HSP90AA1: variants seen among roughly 807,000 people sequenced by gnomAD.
HSP90AA1 encodes the protein heat shock protein 90 alpha family class A member 1, also known as heat shock protein HSP 90-alpha.
A neutral mutation model predicts 73.3 loss-of-function variants in HSP90AA1; 18 were observed. The observed-to-expected ratio is 0.25, with a 90% CI of 0.17 to 0.36. The LOEUF is 0.36. HSP90AA1 is among the 10% of genes least tolerant of loss of function. HSP90AA1 has a pLI of 1.00. For missense variants in HSP90AA1, 704 were observed against 874.2 expected (o/e 0.81, Z 2.45); for synonymous variants, 477 against 296.9 (o/e 1.61, Z -6.24).
chr14:102,123,891 C>T (rs1449704471), intron 1 of HSP90AA1, among the ~76,000 whole-genome samples: 8 of 152,076 alleles, frequency 5.3e-5, no homozygotes, highest in Non-Finnish European at 1.2e-4. Context: ...GCCTCAACCT[C>T]CTGGGCTCAG....
intron 1 of HSP90AA1, among the ~76,000 whole-genome samples, chr14:102,112,597 G>C (rs2049655781): frequency 6.6e-6 from 1 of 152,112 alleles, no homozygotes; most frequent in Non-Finnish European, 1.5e-5. Context: ...TCCCACCTCA[G>C]CTTCCTGAGT....
At chr14:102,087,931 GTTTTTTTTTTTTTTTTTTTCT>G (rs890589492), upstream of HSP90AA1, among the ~76,000 whole-genome samples, 4 of 109,798 alleles carry the variant, frequency 3.6e-5, no homozygotes, top group African/African-American at 1.4e-4. Context: ...GCCCTAAAAG[GTTTTTTTTTTTTTTTTTTTCT>G]TTTTTTTTTT....
At chr14:102,135,779 C>T (rs2049984895) in intron 1 of HSP90AA1, among the ~76,000 whole-genome samples, 1 of 152,252 alleles carries the variant, frequency 6.6e-6, no homozygotes, top group Admixed American at 6.5e-5. Flanking sequence ...TTGCCCGGGG[C>T]CAGCAGGGCT....
intron 1 of HSP90AA1, among the ~76,000 whole-genome samples, chr14:102,108,335 A>G (rs887553459): frequency 6.6e-6 from 1 of 151,118 alleles, no homozygotes; most frequent in Non-Finnish European, 1.5e-5. Context: ...CCTGGACTCA[A>G]GCAATCCTCA....
chr14:102,090,876 C>T (rs2049348357), upstream of HSP90AA1, among the ~76,000 whole-genome samples: 2 of 152,244 alleles, frequency 1.3e-5, no homozygotes, highest in Non-Finnish European at 2.9e-5. Context: ...TATTTGAAAG[C>T]TTTCAGTGTC....
chr14:102,113,694 A>AT (rs1383531252), intron 1 of HSP90AA1, among the ~76,000 whole-genome samples: 1 of 149,722 alleles, frequency 6.7e-6, no homozygotes, highest in East Asian at 2.0e-4. Context: ...CATTTATTTT[A>AT]TTTTTTTATT....
chr14:102,082,517 T>C (rs144274674), intron 9 of HSP90AA1, 73 bp from the exon 10 acceptor site: 169 of 1,204,222 alleles, frequency 1.4e-4, no homozygotes, highest in Non-Finnish European at 1.9e-4. Flanking sequence ...ATGAAATCTG[T>C]AGAACCCAAA....
intron 1 of HSP90AA1, among the ~76,000 whole-genome samples, chr14:102,118,854 CTT>C (rs11298881): frequency 0.011 from 1,157 of 107,132 alleles, 11 homozygotes; most frequent in African/African-American, 0.026. Flanking sequence ...CTTTTCCTTC[CTT>C]TTTTTTTTTT....
At chr14:102,085,537 C>G in intron 3 of HSP90AA1, 106 bp from the exon 4 acceptor site, 1 of 1,290,896 alleles carries the variant, frequency 7.7e-7, no homozygotes, top group South Asian at 1.2e-5. Flanking sequence ...GCCGTTACTA[C>G]AGATGCAAAG....
At chr14:102,090,904 C>T (rs2049348771), upstream of HSP90AA1, among the ~76,000 whole-genome samples, 1 of 152,240 alleles carries the variant, frequency 6.6e-6, no homozygotes, top group African/African-American at 2.4e-5. Context: ...AAAGCTGGAG[C>T]ATGGATTCTG....
At chr14:102,116,847 A>C (rs1208835866) in intron 1 of HSP90AA1, among the ~76,000 whole-genome samples, 3 of 152,042 alleles carry the variant, frequency 2.0e-5, no homozygotes, top group Non-Finnish European at 2.9e-5. Context: ...GAGGACCTGG[A>C]GCCCCTGCCC....
chr14:102,103,180 CAAA>C (rs898771022), intron 1 of HSP90AA1, among the ~76,000 whole-genome samples: 2 of 37,230 alleles, frequency 5.4e-5, no homozygotes, highest in Non-Finnish European at 1.1e-4. Context: ...GACTCAGTCT[CAAA>C]AAAAAAAAAA....
intron 8 of HSP90AA1, 80 bp from the exon 9 acceptor site, chr14:102,083,382 A>C (rs2049142060): frequency 6.6e-7 from 1 of 1,522,476 alleles, no homozygotes; most frequent in Non-Finnish European, 9.1e-7. Context: ...CTTGCTAGCC[A>C]GATACCTAGG....
At chr14:102,092,820 G>A (rs762095595) in intron 2 of HSP90AA1, among the ~76,000 whole-genome samples, 2 of 151,878 alleles carry the variant, frequency 1.3e-5, no homozygotes, top group African/African-American at 2.4e-5. Flanking sequence ...GCAAAATCTC[G>A]GCTCACTGCA....
chr14:102,137,213 C>T (rs1377236422), intron 1 of HSP90AA1, among the ~76,000 whole-genome samples: 1 of 151,860 alleles, frequency 6.6e-6, no homozygotes, highest in Non-Finnish European at 1.5e-5. Context: ...TGCACTCCAG[C>T]CTGGGCAACA....
chr14:102,081,686 C>T lies in HSP90AA1; in HGVS notation c.*26G>A. The T allele has an allele frequency of 1.1e-6, 1 of 909,108 alleles. No individual in the cohort carries two copies. The highest frequency in any genetic ancestry group is 1.9e-6 in the Non-Finnish European group (1 of 535,586). The allele number at this position is 909,108 out of a possible 1,614,324, so 56.3% of individuals were successfully genotyped here. Reference sequence around the variant, plus strand: ...ATCAGAGGAATTGTAGAGTACTGAACAGGTAAGTCATCCCTCAGCCAGAGA... The same window carrying T: ...ATCAGAGGAATTGTAGAGTACTGAATAGGTAAGTCATCCCTCAGCCAGAGA... On this transcript the variant is annotated 3_prime_UTR_variant, in exon 11 of 11. Transcript: ENST00000216281.
At chr14:102,094,455 T>G (rs974553785) in intron 2 of HSP90AA1, among the ~76,000 whole-genome samples, 3 of 152,072 alleles carry the variant, frequency 2.0e-5, no homozygotes, top group Non-Finnish European at 2.9e-5. Context: ...ACTTAGAAAC[T>G]CTTGAAGAGT....
chr14:102,113,127 G>A (rs1202145277), intron 1 of HSP90AA1, among the ~76,000 whole-genome samples: 5 of 151,504 alleles, frequency 3.3e-5, no homozygotes, highest in African/African-American at 4.8e-5. Context: ...GGGTTCAAGC[G>A]ATTCTCCTGC....
rs1483014788 is a variant in HSP90AA1, at chr14:102,081,369, G to C, written c.*343C>G. The C allele has an allele frequency of 9.3e-6, 4 of 430,606 alleles. No homozygotes were observed. The highest frequency in any genetic ancestry group is 1.7e-5 in the Non-Finnish European group (4 of 235,180). 26.7% of individuals were successfully genotyped at this position (430,606 alleles called of 1,614,324 possible). ...TTTCTAAACATCAAGATACAGCTCAGAACACTTCAATAACAAGATTTGGTC... is the reference window on the plus strand; with the variant it reads ...TTTCTAAACATCAAGATACAGCTCACAACACTTCAATAACAAGATTTGGTC... On this transcript the variant is annotated 3_prime_UTR_variant, in exon 11 of 11. Transcript: ENST00000216281.
Sources: allele counts gnomAD v4.1 joint callset (sites outside exome capture counted in the v4.1 genomes callset), GRCh38; gene constraint gnomAD v4.1.1; transcripts MANE v1.5; gene names NCBI Gene and HGNC (gene_info 2026-07-23, HGNC 2026-07-21).